Variants in ARIH1 observed in about 807,000 individuals in gnomAD.
The protein encoded by ARIH1 is E3 ubiquitin-protein ligase ARIH1.
ARIH1 carries 8 observed loss-of-function variants against 85.0 expected under a neutral mutation model. The ratio of observed to expected loss-of-function variants is 0.09; its 90% confidence interval spans 0.06 to 0.17. The LOEUF is 0.17. Among genes scored for constraint, ARIH1 ranks in the 10% least tolerant of loss-of-function variants. The pLI is 1.00. For synonymous variants in ARIH1, 238 were observed against 253.6 expected (o/e 0.94, Z 0.59); for missense variants, 311 against 718.1 (o/e 0.43, Z 6.48).
At chr15:72,514,133 C>T (rs2063964111) in intron 1 of ARIH1, among the ~76,000 whole-genome samples, 1 of 151,754 alleles carries the variant, frequency 6.6e-6, no homozygotes, top group African/African-American at 2.4e-5. Flanking sequence ...AGCCACTGCA[C>T]CTAGCCTGTT....
intron 11 of ARIH1, among the ~76,000 whole-genome samples, chr15:72,573,286 C>T (rs931757525): frequency 1.3e-5 from 2 of 152,090 alleles, no homozygotes; most frequent in Admixed American, 6.5e-5. Flanking sequence ...TACGGCCGGG[C>T]TTGGTGGCTC....
chr15:72,492,101 G>A (rs77910937), intron 1 of ARIH1, among the ~76,000 whole-genome samples: 3 of 152,184 alleles, frequency 2.0e-5, no homozygotes, highest in Admixed American at 6.5e-5. Flanking sequence ...GCTTACATAT[G>A]TACCATCCTC....
chr15:72,547,728 A>G (rs995116092), intron 3 of ARIH1, among the ~76,000 whole-genome samples: 1 of 152,204 alleles, frequency 6.6e-6, no homozygotes, highest in African/African-American at 2.4e-5. Flanking sequence ...TGACATTTAT[A>G]TAGTGCTTAC....
chr15:72,588,488 C>G lies in ARIH1; in HGVS notation c.*5196C>G, dbSNP rs2064327353. 1 of 152,182 alleles carries G rather than the reference C, an allele frequency of 6.6e-6. No individual in the cohort carries two copies. The highest frequency in any genetic ancestry group is 1.5e-5 in the Non-Finnish European group (1 of 68,026). 9.4% of individuals were successfully genotyped at this position (152,182 alleles called of 1,614,324 possible). A position where few individuals can be genotyped will look rare whatever the true frequency, so the allele number is the denominator to read the frequency against. ...TAAAGCCCTTTACGCATTCTCACCC[C>G]TAATTCCAGCCGGTGATTCTCACAT... On this transcript the variant is annotated 3_prime_UTR_variant, in exon 14 of 14. Coordinates refer to ENST00000379887, the MANE Select transcript of ARIH1 (RefSeq NM_005744.5).
At chr15:72,566,670 T>G in intron 8 of ARIH1, 65 bp downstream of exon 8, 2 of 1,375,380 alleles carry the variant, frequency 1.5e-6, no homozygotes, top group Non-Finnish European at 1.0e-6. Flanking sequence ...TGACTAAAAA[T>G]CATAGCTGAT....
In ARIH1 at chr15:72,546,772, A is replaced by G. The variant is rs562754809; in HGVS notation, c.588+1808A>G. On this transcript the variant is annotated intron_variant, in intron 3 of 13. Transcript: ENST00000379887. ...TGTTTGTTTGTTTTGGTTTTTTTGTAGAGACGGGGTTTCACCATGTTGCCC... is the reference window on the plus strand; with the variant it reads ...TGTTTGTTTGTTTTGGTTTTTTTGTGGAGACGGGGTTTCACCATGTTGCCC... Among the ~76,000 whole-genome samples the G allele has an allele frequency of 4.0e-5, 6 of 151,274 alleles. No individual in the cohort carries two copies. The South Asian group carries it at 8.3e-4, about 21-fold the overall frequency.
At chr15:72,549,066 C>T (rs1350081529) in intron 3 of ARIH1, among the ~76,000 whole-genome samples, 2 of 150,926 alleles carry the variant, frequency 1.3e-5, no homozygotes, top group Middle Eastern at 3.4e-3. Flanking sequence ...AATGTAGCTT[C>T]GACTACAGCG....
intron 2 of ARIH1, among the ~76,000 whole-genome samples, chr15:72,541,217 A>G (rs2064105939): frequency 6.6e-6 from 1 of 152,192 alleles, no homozygotes; most frequent in Non-Finnish European, 1.5e-5. Context: ...GCTAGTTGAG[A>G]TAATGGGAGT....
intron 1 of ARIH1, among the ~76,000 whole-genome samples, chr15:72,491,243 T>A (rs1001509071): frequency 2.0e-5 from 3 of 152,200 alleles, no homozygotes; most frequent in African/African-American, 7.2e-5. Flanking sequence ...ATAATCACAT[T>A]CCCTGTGGAA....
intron 2 of ARIH1, among the ~76,000 whole-genome samples, chr15:72,526,224 C>T (rs576450798): frequency 3.9e-5 from 6 of 152,126 alleles, no homozygotes; most frequent in Admixed American, 3.9e-4. Flanking sequence ...TTGTCATTTC[C>T]ATATACCAGG....
At position 72,587,308 on chromosome 15, in the gene ARIH1, C is replaced by G. The variant is rs533218961; in HGVS notation, c.*4016C>G. On this transcript the variant is annotated 3_prime_UTR_variant, in exon 14 of 14. Coordinates refer to ENST00000379887, the MANE Select transcript of ARIH1 (RefSeq NM_005744.5). ...CTGTACCAGGGAAGGTAGTTCTTAA[C>G]TATATTGTACTTTTAAACCACATTA... 2.8e-6 allele frequency: 1 copy of G among 358,890 alleles called. No homozygotes were observed. Among genetic ancestry groups the G allele is most frequent in the Admixed American group, 3.7e-5 (1 of 27,250 alleles). The allele number at this position is 358,890 out of a possible 1,614,324, so 22.2% of individuals were successfully genotyped here.
At chr15:72,559,051 C>T (rs934014957) in intron 5 of ARIH1, among the ~76,000 whole-genome samples, 1 of 152,142 alleles carries the variant, frequency 6.6e-6, no homozygotes, top group Non-Finnish European at 1.5e-5. Context: ...GGGATTGGTT[C>T]TAGGACCCAC....
At chr15:72,503,308 A>G (rs2063911313) in intron 1 of ARIH1, among the ~76,000 whole-genome samples, 1 of 152,204 alleles carries the variant, frequency 6.6e-6, no homozygotes, top group African/African-American at 2.4e-5. Context: ...TGAGTTATCA[A>G]GAGGCTTTTG....
intron 1 of ARIH1, among the ~76,000 whole-genome samples, chr15:72,486,390 G>A (rs935803789): frequency 6.6e-6 from 1 of 152,030 alleles, no homozygotes; most frequent in African/African-American, 2.4e-5. Context: ...CCTGCTACTG[G>A]CCTCGGCTGG....
chr15:72,583,776 T>C lies in ARIH1; in HGVS notation c.*484T>C, dbSNP rs990806179. 1.3e-5 allele frequency: 2 copies of C among 152,508 alleles called. No homozygotes were observed. Among genetic ancestry groups the C allele is most frequent in the African/African-American group, 4.8e-5 (2 of 41,438 alleles). 9.4% of individuals were successfully genotyped at this position (152,508 alleles called of 1,614,324 possible). A position where few individuals can be genotyped will look rare whatever the true frequency, so the allele number is the denominator to read the frequency against. The stretch of plus-strand genomic sequence containing the variant: ...CTCATACCCCAAGGTCATGAGTGAA[T>C]GATGCTTAGTTCCTTGTAAAGAAAA... On this transcript the variant is annotated 3_prime_UTR_variant, in exon 14 of 14. Transcript: ENST00000379887.
intron 1 of ARIH1, among the ~76,000 whole-genome samples, chr15:72,516,407 TTTTAA>T (rs2063975213): frequency 1.8e-5 from 2 of 108,332 alleles, no homozygotes. Flanking sequence ...TAAAACTTGT[TTTTAA>T]TTTCTGAGTT....
chr15:72,568,610 T>C (rs1317495060), intron 9 of ARIH1, among the ~76,000 whole-genome samples: 1 of 152,196 alleles, frequency 6.6e-6, no homozygotes, highest in Non-Finnish European at 1.5e-5. Context: ...TTAGAAGCTT[T>C]TAAGATTATT....
chr15:72,476,230 A>G (rs575671511), intron 1 of ARIH1, among the ~76,000 whole-genome samples: 33 of 152,372 alleles, frequency 2.2e-4, no homozygotes, highest in Middle Eastern at 6.8e-3. Flanking sequence ...TGAAGCATCT[A>G]TTCAGGCACT....
At chr15:72,573,057 T>TC in intron 11 of ARIH1, among the ~76,000 whole-genome samples, 1 of 152,226 alleles carries the variant, frequency 6.6e-6, no homozygotes, top group Non-Finnish European at 1.5e-5. Flanking sequence ...ATATTGAAAT[T>TC]CCCCAGTTGT....
Sources: allele counts gnomAD v4.1 joint callset (sites outside exome capture counted in the v4.1 genomes callset), GRCh38; gene constraint gnomAD v4.1.1; transcripts MANE v1.5; gene names NCBI Gene and HGNC (gene_info 2026-07-23, HGNC 2026-07-21).